The following LRP1B variants were observed in gnomAD, a reference collection of about 807,000 sequenced individuals.
LRP1B encodes low-density lipoprotein receptor-related protein 1B.
LRP1B carries 217 observed loss-of-function variants against 556.6 expected under a neutral mutation model. The ratio of observed to expected loss-of-function variants is 0.39; its 90% CI spans 0.35 to 0.44. The LOEUF is 0.44. Among genes scored for constraint, LRP1B ranks in the 20% least tolerant of loss-of-function variants. The pLI is 1.00. For synonymous variants in LRP1B, 2,047 were observed against 1,865.8 expected, an observed-to-expected ratio of 1.10 and a Z score of -2.50; for missense variants, 5,053 against 5,620.8, an observed-to-expected ratio of 0.90 and a Z score of 3.23.
At chr2:141,677,064 A>T (rs879305272) in intron 2 of LRP1B, among the ~76,000 whole-genome samples, 1 of 152,180 alleles carries the variant, frequency 6.6e-6, no homozygotes, top group Non-Finnish European at 1.5e-5. Flanking sequence ...AAACCAAATA[A>T]TGTTATAGAA....
chr2:140,811,993 T>A lies in LRP1B; in HGVS notation c.5359+1664A>T, dbSNP rs115263494. On this transcript the variant is annotated intron_variant, in intron 32 of 90. Transcript: ENST00000389484. Reference sequence around the variant, plus strand: ...CTCTTTTACACATTTAAATTTCTCATCTGAAGAAAAACTATTTAAAAAAAC... The same window carrying A: ...CTCTTTTACACATTTAAATTTCTCAACTGAAGAAAAACTATTTAAAAAAAC... 9.4e-3 allele frequency among the ~76,000 whole-genome samples: 1,437 copies of A among 152,144 alleles called. 29 individuals carry two copies. Among genetic ancestry groups the A allele is most frequent in the African/African-American group, 0.033 (1,379 of 41,552 alleles).
At chr2:140,675,038 G>T (rs1685623095) in intron 41 of LRP1B, among the ~76,000 whole-genome samples, 1 of 152,136 alleles carries the variant, frequency 6.6e-6, no homozygotes, top group South Asian at 2.1e-4. Flanking sequence ...GTATTATTTG[G>T]CTTGTGGCCA....
intron 1 of LRP1B, among the ~76,000 whole-genome samples, chr2:141,973,677 A>G (rs1384027188): frequency 6.6e-6 from 1 of 151,882 alleles, no homozygotes; most frequent in Non-Finnish European, 1.5e-5. Flanking sequence ...AGTATTTATT[A>G]TAATTTGAGC....
chr2:141,030,140 C>A (rs1430229684), intron 11 of LRP1B, among the ~76,000 whole-genome samples: 1 of 152,080 alleles, frequency 6.6e-6, no homozygotes, highest in African/African-American at 2.4e-5. Context: ...GGCAAAACTG[C>A]ATAAGAATAT....
chr2:140,261,203 T>A (rs1280809228), intron 86 of LRP1B, among the ~76,000 whole-genome samples: 3 of 151,864 alleles, frequency 2.0e-5, no homozygotes, highest in Admixed American at 6.6e-5. Context: ...TTTGGAAAAA[T>A]TTGTATCTGG....
intron 25 of LRP1B, 95 bp from the exon 26 acceptor site, chr2:140,868,358 T>C: frequency 8.5e-7 from 1 of 1,170,664 alleles, no homozygotes; most frequent in Non-Finnish European, 1.2e-6. Context: ...AGGCACTGGA[T>C]AGGTGATAAG....
chr2:142,091,251 C>A (rs1706161071), intron 1 of LRP1B, among the ~76,000 whole-genome samples: 2 of 152,064 alleles, frequency 1.3e-5, no homozygotes, highest in African/African-American at 4.8e-5. Context: ...TATTTACATG[C>A]TGCAGCTGAA....
intron 84 of LRP1B, among the ~76,000 whole-genome samples, chr2:140,276,150 A>G (rs1682662466): frequency 6.6e-6 from 1 of 152,042 alleles, no homozygotes; most frequent in African/African-American, 2.4e-5. Context: ...CACAATTTAT[A>G]AACTTCATCC....
chr2:141,676,530 T>G (rs190427179), intron 2 of LRP1B, among the ~76,000 whole-genome samples: 1 of 152,280 alleles, frequency 6.6e-6, no homozygotes, highest in Admixed American at 6.5e-5. Context: ...TTTCCATTTC[T>G]TCCCCATTAA....
At chr2:141,328,926 T>A (rs1361577721) in intron 3 of LRP1B, among the ~76,000 whole-genome samples, 3 of 152,164 alleles carry the variant, frequency 2.0e-5, no homozygotes, top group Admixed American at 6.5e-5. Flanking sequence ...CTCCATTACA[T>A]ATTAACTGGT....
chr2:140,458,028 A>C (rs973679429), intron 60 of LRP1B, among the ~76,000 whole-genome samples: 2 of 152,158 alleles, frequency 1.3e-5, no homozygotes, highest in African/African-American at 2.4e-5. Flanking sequence ...ATATACATAT[A>C]TATCTCCTTC....
chr2:141,079,558 C>A (rs180771341), intron 7 of LRP1B, among the ~76,000 whole-genome samples: 67 of 152,314 alleles, frequency 4.4e-4, no homozygotes, highest in African/African-American at 1.5e-3. Context: ...ATCCTGCAAG[C>A]AATAATGCTC....
At chr2:141,314,679 T>C (rs1283917305) in intron 3 of LRP1B, among the ~76,000 whole-genome samples, 2 of 150,402 alleles carry the variant, frequency 1.3e-5, no homozygotes, top group African/African-American at 4.9e-5. Context: ...TAGTCCCACC[T>C]AATCGGGAGG....
At chr2:140,577,988 C>T (rs1681600600) in intron 43 of LRP1B, among the ~76,000 whole-genome samples, 1 of 152,042 alleles carries the variant, frequency 6.6e-6, no homozygotes, top group African/African-American at 2.4e-5. Context: ...ATAGTTTAAT[C>T]ATTAAAAATT....
At chr2:140,741,555 G>A (rs893328736) in intron 35 of LRP1B, among the ~76,000 whole-genome samples, 1 of 151,984 alleles carries the variant, frequency 6.6e-6, no homozygotes, top group Non-Finnish European at 1.5e-5. Flanking sequence ...TATCACAGGA[G>A]TTTGGTGTAC....
chr2:141,858,103 AG>A (rs1698121123), intron 1 of LRP1B, among the ~76,000 whole-genome samples: 1 of 152,114 alleles, frequency 6.6e-6, no homozygotes, highest in South Asian at 2.1e-4. Flanking sequence ...TTATCATTTC[AG>A]GGTACCTTGT....
chr2:142,072,868 G>A (rs1705372854), intron 1 of LRP1B, among the ~76,000 whole-genome samples: 1 of 152,018 alleles, frequency 6.6e-6, no homozygotes, highest in African/African-American at 2.4e-5. Context: ...CAAAATAATT[G>A]TAGTCAAAAC....
In LRP1B at chr2:140,487,701, T is replaced by C; in HGVS notation, c.9159A>G (p.Arg3053=). Residue 3053 remains arginine, a synonymous_variant, in exon 58 of 91, where the codon AGA becomes AGG. Coordinates refer to ENST00000389484, the MANE Select transcript of LRP1B (RefSeq NM_018557.3). ...AATCGATCCAATAGATGAATTCTTC[T>C]CTGTAATCAAAGTCTATAGCAATAA... ...NNVIAIDFDY[R]EEFIYWIDSS... The C allele has an allele frequency of 6.3e-7, 1 of 1,584,290 alleles. No individual in the cohort carries two copies. The highest frequency in any genetic ancestry group is 8.7e-7 in the Non-Finnish European group (1 of 1,155,670).
At position 141,296,818 on chromosome 2, in the gene LRP1B, G is replaced by A. The variant is rs147211451; in HGVS notation, c.344-42177C>T. ...GGGATACAAATGTTCCCATTACCCA[G>A]GTACTGAGCATAGTAGCAGTTTTGA... On this transcript the variant is annotated intron_variant, in intron 3 of 90. Transcript: ENST00000389484. Among the ~76,000 whole-genome samples, 9 of 152,222 alleles carry A rather than the reference G, an allele frequency of 5.9e-5. No individual in the cohort carries two copies. In the East Asian group the frequency reaches 7.8e-4, roughly 13 times the overall value.
Sources: allele counts gnomAD v4.1 joint callset (sites outside exome capture counted in the v4.1 genomes callset), GRCh38; gene constraint gnomAD v4.1.1; transcripts MANE v1.5; gene names NCBI Gene and HGNC (gene_info 2026-07-23, HGNC 2026-07-21).